Variants in DAW1 observed in about 807,000 individuals in gnomAD.
DAW1 encodes the protein dynein assembly factor with WD repeats 1, also known as dynein assembly factor with WD repeat domains 1.
DAW1 carries 47 observed loss-of-function variants against 56.5 expected under a neutral mutation model. That is an observed-to-expected ratio of 0.83 (90% CI 0.66 to 1.06). DAW1 has a LOEUF of 1.06. Ranked by LOEUF, DAW1 falls within the 50% of genes least tolerant of loss-of-function variation. DAW1 has a pLI of 0.00. For synonymous variants in DAW1, 190 were observed against 179.0 expected, an observed-to-expected ratio of 1.06 and a Z score of -0.49; for missense variants, 505 against 499.3, an observed-to-expected ratio of 1.01 and a Z score of -0.11.
intron 2 of DAW1, chr2:227,887,674 C>A (rs995091282): frequency 1.3e-5 from 2 of 152,180 alleles, no homozygotes; most frequent in African/African-American, 4.8e-5. Context: ...TCCAGGCACT[C>A]AACACTTTGA....
chr2:227,899,815 A>G lies in DAW1; in HGVS notation c.540+1534A>G, dbSNP rs190474992. Among the ~76,000 whole-genome samples the G allele has an allele frequency of 5.9e-5, 9 of 152,328 alleles. No individual in the cohort carries two copies. In the South Asian group the frequency reaches 6.2e-4, roughly 11 times the overall value. On this transcript the variant is annotated intron_variant, in intron 6 of 12. Coordinates refer to ENST00000309931, the MANE Select transcript of DAW1 (RefSeq NM_178821.3). ...CACCCACCCCTGGAACTTAGGAACA[A>G]GATACCTAGAACAGACTGTGAAATG...
At chr2:227,881,501 A>G (rs971956178) in intron 1 of DAW1, among the ~76,000 whole-genome samples, 1 of 152,202 alleles carries the variant, frequency 6.6e-6, no homozygotes, top group Non-Finnish European at 1.5e-5. Context: ...CATAAATGCA[A>G]TTTAAGTAAT....
At chr2:227,877,357 T>A (rs978049453) in intron 1 of DAW1, among the ~76,000 whole-genome samples, 1 of 152,244 alleles carries the variant, frequency 6.6e-6, no homozygotes, top group Non-Finnish European at 1.5e-5. Context: ...TTTACCATGT[T>A]GGCCAGGCTG....
At chr2:227,899,051 G>T (rs1691476464) in intron 6 of DAW1, among the ~76,000 whole-genome samples, 1 of 152,128 alleles carries the variant, frequency 6.6e-6, no homozygotes, top group East Asian at 1.9e-4. Context: ...TTTCACTATT[G>T]GGAAGCCCTT....
At chr2:227,875,746 A>C (rs913172266) in intron 1 of DAW1, among the ~76,000 whole-genome samples, 2 of 152,122 alleles carry the variant, frequency 1.3e-5, no homozygotes, top group Admixed American at 1.3e-4. Flanking sequence ...ATCTTAATCC[A>C]ACTCATCATT....
At chr2:227,876,030 T>G (rs5021749) in intron 1 of DAW1, among the ~76,000 whole-genome samples, 2,815 of 152,168 alleles carry the variant, frequency 0.018, 111 homozygotes, top group East Asian at 0.17. Context: ...CTTTTTTTTT[T>G]TTTGAGATGG....
chr2:227,874,182 A>G (rs761072468), intron 1 of DAW1, among the ~76,000 whole-genome samples: 8 of 152,186 alleles, frequency 5.3e-5, no homozygotes, highest in Non-Finnish European at 1.2e-4. Flanking sequence ...TAGGTTAAGA[A>G]TATGAGCTCT....
At chr2:227,889,744 T>G in intron 2 of DAW1, 112 bp from the exon 3 acceptor site, 2 of 922,516 alleles carry the variant, frequency 2.2e-6, no homozygotes, top group Non-Finnish European at 3.0e-6. Flanking sequence ...ATGGTGTTTT[T>G]GACATTTTAT....
intron 7 of DAW1, among the ~76,000 whole-genome samples, chr2:227,904,681 C>T (rs1443803031): frequency 6.6e-6 from 1 of 152,066 alleles, no homozygotes; most frequent in Non-Finnish European, 1.5e-5. Flanking sequence ...GTGTGTAAGT[C>T]ACTAATTTTT....
At chr2:227,873,648 C>CTA (rs1230191889) in intron 1 of DAW1, among the ~76,000 whole-genome samples, 1 of 152,060 alleles carries the variant, frequency 6.6e-6, no homozygotes, top group Non-Finnish European at 1.5e-5. Context: ...TATGAGAAAG[C>CTA]TATATATATG....
rs1373734314 is a variant in DAW1 at position 227,871,739 on chromosome 2, A to G, written c.40+10A>G. On this transcript the variant is annotated intron_variant, in intron 1 of 12. Coordinates refer to ENST00000309931, the MANE Select transcript of DAW1 (RefSeq NM_178821.3). The stretch of plus-strand genomic sequence containing the variant: ...CGGTATTACCCGCCAGGTACGCACC[A>G]GCCCGGCCCCGTCATCCCCACGTGG... The G allele has an allele frequency of 1.2e-6, 2 of 1,613,722 alleles. 1 individual carries two copies. The highest frequency in any genetic ancestry group is 1.7e-6 in the Non-Finnish European group (2 of 1,179,902).
intron 12 of DAW1, among the ~76,000 whole-genome samples, chr2:227,923,349 G>A (rs374351511): frequency 3.3e-5 from 5 of 152,164 alleles, no homozygotes; most frequent in Admixed American, 1.3e-4. Context: ...TGGCATGACC[G>A]TTACATTTGT....
chr2:227,891,862 G>A (rs992460166), intron 4 of DAW1, among the ~76,000 whole-genome samples: 3 of 152,208 alleles, frequency 2.0e-5, no homozygotes, highest in Non-Finnish European at 4.4e-5. Context: ...CAACCAAAAT[G>A]TATTGTGTCA....
At chr2:227,910,795 CCTGA>C (rs1691796810) in intron 10 of DAW1, among the ~76,000 whole-genome samples, 1 of 151,956 alleles carries the variant, frequency 6.6e-6, no homozygotes, top group Admixed American at 6.6e-5. Flanking sequence ...GCATCATTTC[CCTGA>C]CTACTATTTA....
Position 227,924,227 on chromosome 2 carries a change from T to C in DAW1, c.*259T>C. On this transcript the variant is annotated 3_prime_UTR_variant, in exon 13 of 13. Transcript: ENST00000309931. Reference sequence around the variant, plus strand: ...CACCAGTTATTTCAGTTGTGTTTGTTTTTTAAAAGCATTATGATACTGAAA... The same window carrying C: ...CACCAGTTATTTCAGTTGTGTTTGTCTTTTAAAAGCATTATGATACTGAAA... 2.0e-6 allele frequency: 1 copy of C among 494,492 alleles called. No homozygotes were observed. Among genetic ancestry groups the C allele is most frequent in the South Asian group, 3.3e-5 (1 of 29,994 alleles). 30.6% of individuals were successfully genotyped at this position (494,492 alleles called of 1,614,324 possible).
intron 10 of DAW1, among the ~76,000 whole-genome samples, chr2:227,914,104 A>T (rs1215418837): frequency 6.6e-6 from 1 of 152,006 alleles, no homozygotes; most frequent in Non-Finnish European, 1.5e-5. Flanking sequence ...AGGACCTCAC[A>T]TCACATCTGT....
chr2:227,886,728 C>A (rs1691139145), intron 2 of DAW1, among the ~76,000 whole-genome samples: 1 of 152,220 alleles, frequency 6.6e-6, no homozygotes, highest in South Asian at 2.1e-4. Flanking sequence ...AGGAGGATCA[C>A]TTCAGGCTAG....
intron 1 of DAW1, among the ~76,000 whole-genome samples, chr2:227,882,429 A>T (rs1230908688): frequency 6.6e-6 from 1 of 152,194 alleles, no homozygotes; most frequent in African/African-American, 2.4e-5. Context: ...ACACACTCAC[A>T]ATAGGAAAAC....
At chr2:227,913,075 A>T (rs1161390786) in intron 10 of DAW1, among the ~76,000 whole-genome samples, 1 of 152,186 alleles carries the variant, frequency 6.6e-6, no homozygotes, top group African/African-American at 2.4e-5. Flanking sequence ...AATCGCAATC[A>T]TGTATGAGTC....
Sources: allele counts gnomAD v4.1 joint callset (sites outside exome capture counted in the v4.1 genomes callset), GRCh38; gene constraint gnomAD v4.1.1; transcripts MANE v1.5; gene names NCBI Gene and HGNC (gene_info 2026-07-23, HGNC 2026-07-21).